The following GALNT16 variants were observed in gnomAD, a reference collection of about 807,000 sequenced individuals.
GALNT16 encodes the protein polypeptide N-acetylgalactosaminyltransferase 16.
Under a neutral mutation model 76.1 loss-of-function variants are expected in GALNT16, and 40 were observed. The ratio of observed to expected loss-of-function variants is 0.53; its 90% CI spans 0.41 to 0.68. The LOEUF (loss-of-function observed/expected upper bound fraction) is 0.68. Ranked by LOEUF, GALNT16 falls within the 30% of genes least tolerant of loss-of-function variation. The probability of loss-of-function intolerance (pLI) is 0.00; values close to 1 mark genes in which losing one functional copy is unlikely to be tolerated. For synonymous variants in GALNT16, 276 were observed against 285.2 expected, an observed-to-expected ratio of 0.97 and a Z score of 0.32; for missense variants, 621 against 731.9, an observed-to-expected ratio of 0.85 and a Z score of 1.75.
At chr14:69,289,938 C>T (rs1594825294) in intron 1 of GALNT16, among the ~76,000 whole-genome samples, 3 of 151,946 alleles carry the variant, frequency 2.0e-5, no homozygotes, top group East Asian at 3.9e-4. Flanking sequence ...AGGGTTTCAC[C>T]GTGTTGCCCA....
At chr14:69,286,517 T>C (rs955246163) in intron 1 of GALNT16, among the ~76,000 whole-genome samples, 4 of 152,176 alleles carry the variant, frequency 2.6e-5, no homozygotes, top group Non-Finnish European at 5.9e-5. Flanking sequence ...TTAACCAGGC[T>C]GGTCTCAAAC....
At position 69,333,466 on chromosome 14, in the gene GALNT16, C is replaced by A. The variant is rs373776353; in HGVS notation, c.864-31C>A. Reference sequence around the variant, plus strand: ...AGGGCCTCCTTGCTTCTCCAGCTCACGTGTTGCGTCTTCCCTCTCCTTGCT... The same window carrying A: ...AGGGCCTCCTTGCTTCTCCAGCTCAAGTGTTGCGTCTTCCCTCTCCTTGCT... On this transcript the variant is annotated intron_variant, in intron 8 of 14. Transcript: ENST00000448469. This position sits in a 1 kb window ranked among gnomAD's most constrained non-coding sequence, Gnocchi z 4.2. 7.5e-7 allele frequency: 1 copy of A among 1,338,402 alleles called. No homozygotes were observed. The highest frequency in any genetic ancestry group is 1.7e-5 in the Admixed American group (1 of 59,544). 82.9% of individuals were successfully genotyped at this position (1,338,402 alleles called of 1,614,324 possible).
chr14:69,300,296 A>G (rs902467963), intron 1 of GALNT16, among the ~76,000 whole-genome samples: 1 of 152,226 alleles, frequency 6.6e-6, no homozygotes, highest in Non-Finnish European at 1.5e-5. Context: ...GTGTATACAC[A>G]TAAGCACACT....
In GALNT16 at chr14:69,304,451, T is replaced by C. The variant is rs1476797966; in HGVS notation, c.178-16260T>C. Among the ~76,000 whole-genome samples the C allele has an allele frequency of 2.0e-5, 3 of 152,344 alleles. No individual in the cohort carries two copies. The East Asian group carries it at 5.8e-4, about 29-fold the overall frequency. ...TATGTGGTTTTTTCTTTTATATTAT[T>C]GCAGTAAGAACACATAACATGAGAC... On this transcript the variant is annotated intron_variant, in intron 1 of 14. Transcript: ENST00000448469.
At chr14:69,295,138 G>C (rs2044740707) in intron 1 of GALNT16, among the ~76,000 whole-genome samples, 1 of 152,148 alleles carries the variant, frequency 6.6e-6, no homozygotes, top group Non-Finnish European at 1.5e-5. Context: ...CATTGGCCGG[G>C]TGCCATGGCT....
chr14:69,324,127 A>G (rs1024257587), intron 2 of GALNT16, among the ~76,000 whole-genome samples: 6 of 151,958 alleles, frequency 3.9e-5, no homozygotes, highest in African/African-American at 9.7e-5. Context: ...CAGGGGACCC[A>G]GTACCCTGGG....
At position 69,352,091 on chromosome 14, in the gene GALNT16, A is replaced by C. The variant is rs769168632; in HGVS notation, c.1600A>C (p.Lys534Gln). The change falls in exon 15 of 15, where the codon AAG becomes CAG. Residue 534 changes from lysine (K) to glutamine (Q), a missense_variant. Physicochemically the swap from Lys to Gln is moderately conservative, Grantham distance 53 (BLOSUM62 1). Transcript: ENST00000448469. ...HSVSGLCLET[K>Q]PAQLVTSKCQ... Reference sequence around the variant, plus strand: ...AGTCAGTGGCCTCTGCCTGGAGACAAAGCCTGCCCAGCTGGTGACCAGCAA... The same window carrying C: ...AGTCAGTGGCCTCTGCCTGGAGACACAGCCTGCCCAGCTGGTGACCAGCAA... 58 of 1,614,046 alleles carry C rather than the reference A, an allele frequency of 3.6e-5. No individual in the cohort carries two copies. Among genetic ancestry groups the C allele is most frequent in the Non-Finnish European group, 4.8e-5 (57 of 1,179,918 alleles).
the GALNT16 span, among the ~76,000 whole-genome samples, chr14:69,384,722 C>T: frequency 2.1e-3 from 322 of 152,192 alleles, 2 homozygotes; most frequent in Admixed American, 8.7e-3. Flanking sequence ...ACACAAGTGA[C>T]GTGCATTTAT....
intron 5 of GALNT16, among the ~76,000 whole-genome samples, chr14:69,326,583 G>C (rs2045288216): frequency 1.3e-5 from 2 of 152,314 alleles, no homozygotes; most frequent in Non-Finnish European, 1.5e-5. Context: ...AGCAGGGAAG[G>C]CTTCCATGGA....
chr14:69,271,263 C>T (rs982112456), intron 1 of GALNT16, among the ~76,000 whole-genome samples: 2 of 152,114 alleles, frequency 1.3e-5, no homozygotes, highest in African/African-American at 2.4e-5. Context: ...ACACCGGGGC[C>T]GGGGCTCTGG....
chr14:69,373,748 GTTCT>G, the GALNT16 span, among the ~76,000 whole-genome samples: 1 of 147,980 alleles, frequency 6.8e-6, no homozygotes, highest in Non-Finnish European at 1.5e-5. Flanking sequence ...CTTTCTCTTT[GTTCT>G]TTTCTTTCTC....
the GALNT16 span, among the ~76,000 whole-genome samples, chr14:69,371,968 A>T: frequency 2.0e-5 from 3 of 151,506 alleles, no homozygotes; most frequent in African/African-American, 7.3e-5. Flanking sequence ...TAAATAATAA[A>T]TAATAATAAG....
intron 12 of GALNT16, among the ~76,000 whole-genome samples, chr14:69,342,305 G>A (rs904804952): frequency 6.6e-6 from 1 of 151,734 alleles, no homozygotes; most frequent in Admixed American, 6.6e-5. Flanking sequence ...AAAATTAGCT[G>A]GGCGTGGTGG....
the GALNT16 span, chr14:69,380,603 T>C: frequency 6.2e-7 from 1 of 1,611,216 alleles, no homozygotes; most frequent in East Asian, 2.2e-5. Flanking sequence ...ATCCAGTCTT[T>C]GTTATAAGGC....
At chr14:69,266,277 G>A (rs993473966) in intron 1 of GALNT16, among the ~76,000 whole-genome samples, 5 of 152,196 alleles carry the variant, frequency 3.3e-5, no homozygotes, top group African/African-American at 1.2e-4. Flanking sequence ...AGGGAGGTAG[G>A]ATTATGGGCA....
At chr14:69,301,333 CA>C (rs1286889558) in intron 1 of GALNT16, among the ~76,000 whole-genome samples, 3 of 152,174 alleles carry the variant, frequency 2.0e-5, no homozygotes, top group Non-Finnish European at 4.4e-5. Context: ...GCCTCAGGGA[CA>C]GAGTATGTAG....
At chr14:69,346,758 C>G (rs1010180509) in intron 12 of GALNT16, among the ~76,000 whole-genome samples, 33 of 152,158 alleles carry the variant, frequency 2.2e-4, no homozygotes, top group African/African-American at 7.5e-4. Context: ...TCTGTTTTTC[C>G]AGCCTGAGCT....
intron 5 of GALNT16, among the ~76,000 whole-genome samples, chr14:69,326,838 C>T (rs550614930): frequency 5.3e-5 from 8 of 152,312 alleles, no homozygotes; most frequent in Admixed American, 4.6e-4. Context: ...GGAGCTTCAG[C>T]GATTTGCCCA....
At chr14:69,316,432 AC>A (rs1237138551) in intron 1 of GALNT16, among the ~76,000 whole-genome samples, 1 of 152,180 alleles carries the variant, frequency 6.6e-6, no homozygotes, top group Non-Finnish European at 1.5e-5. Context: ...GGTAGCCAAA[AC>A]CCTAAAATAA....
Sources: allele counts gnomAD v4.1 joint callset (sites outside exome capture counted in the v4.1 genomes callset), GRCh38; gene constraint gnomAD v4.1.1; non-coding constraint Gnocchi (gnomAD v3.1); transcripts MANE v1.5; gene names NCBI Gene and HGNC (gene_info 2026-07-23, HGNC 2026-07-21).